The following PATJ variants were observed in gnomAD, a reference collection of about 807,000 sequenced individuals.
PATJ encodes the protein inaD-like protein.
A neutral mutation model predicts 224.9 loss-of-function variants in PATJ; 190 were observed. The observed-to-expected ratio is 0.84, with a 90% CI of 0.75 to 0.95. The LOEUF is 0.95. Ranked by LOEUF, PATJ falls within the 40% of genes least tolerant of loss-of-function variation. PATJ has a pLI of 0.00. For synonymous variants in PATJ, 769 were observed against 820.3 expected, an observed-to-expected ratio of 0.94 and a Z score of 1.07; for missense variants, 2,121 against 2,270.3, an observed-to-expected ratio of 0.93 and a Z score of 1.34.
At chr1:61,796,037 AT>A (rs1038315171) in intron 10 of PATJ, among the ~76,000 whole-genome samples, 22 of 152,206 alleles carry the variant, frequency 1.4e-4, no homozygotes, top group Non-Finnish European at 2.8e-4. Flanking sequence ...TCTTTCCCCC[AT>A]TTAGTAGAAA....
intron 29 of PATJ, among the ~76,000 whole-genome samples, chr1:62,025,767 G>A (rs966542396): frequency 3.9e-5 from 6 of 152,202 alleles, no homozygotes; most frequent in African/African-American, 1.4e-4. Flanking sequence ...AGGTTGCAGT[G>A]AGCTGAGGTA....
At chr1:61,947,015 C>T (rs973774515) in intron 27 of PATJ, among the ~76,000 whole-genome samples, 2 of 152,196 alleles carry the variant, frequency 1.3e-5, no homozygotes, top group African/African-American at 4.8e-5. Context: ...CAAAATTCAA[C>T]AGCCCTTCAT....
At chr1:61,902,041 G>A (rs1016126328) in intron 24 of PATJ, among the ~76,000 whole-genome samples, 4 of 152,034 alleles carry the variant, frequency 2.6e-5, no homozygotes, top group African/African-American at 9.7e-5. Flanking sequence ...TGGCCAATAT[G>A]GTGAAACCCC....
chr1:61,955,483 C>T (rs1571490569), intron 27 of PATJ, among the ~76,000 whole-genome samples: 1 of 152,074 alleles, frequency 6.6e-6, no homozygotes, highest in East Asian at 1.9e-4. Context: ...ACAAGCCTGG[C>T]TTGTAGGAGG....
In PATJ at chr1:62,117,194, A is replaced by G. The variant is rs779165051; in HGVS notation, c.4866A>G (p.Ala1622=). ...TCCGAGCTGGTTCCTGGACCTCCGC[A>G]AGGACGACATCACAGAACAGTCAGG... is the stretch of plus-strand genomic sequence containing the variant. ...GRLRAGSWTS[A]RTTSQNSQGS... is the part of the protein sequence containing the mutation. The change falls in exon 37 of 44, where the codon GCA becomes GCG. Residue 1622 remains alanine (A), a synonymous_variant. Transcript: ENST00000642238. The G allele has an allele frequency of 1.2e-6, 2 of 1,614,140 alleles. No homozygotes were observed. The highest frequency in any genetic ancestry group is 2.2e-5 in the South Asian group (2 of 91,084).
chr1:61,841,934 G>A (rs1357987534), intron 17 of PATJ, among the ~76,000 whole-genome samples: 1 of 152,094 alleles, frequency 6.6e-6, no homozygotes, highest in African/African-American at 2.4e-5. Context: ...GGAAAGTTCT[G>A]TATCCCTTAA....
intron 30 of PATJ, among the ~76,000 whole-genome samples, chr1:62,043,003 A>G (rs1020181225): frequency 2.6e-5 from 4 of 152,198 alleles, no homozygotes; most frequent in African/African-American, 9.6e-5. Context: ...CGCAGAGAAC[A>G]AAATTGTTTC....
intron 11 of PATJ, among the ~76,000 whole-genome samples, chr1:61,799,312 C>G (rs1396896661): frequency 6.6e-6 from 1 of 152,156 alleles, no homozygotes; most frequent in Non-Finnish European, 1.5e-5. Context: ...CCTGCCTCAG[C>G]CTCCCCAGTA....
chr1:62,096,752 A>C (rs1661442587), intron 33 of PATJ, among the ~76,000 whole-genome samples: 1 of 152,062 alleles, frequency 6.6e-6, no homozygotes. Flanking sequence ...AGTAGCTGGG[A>C]TTACAGGCAC....
intron 30 of PATJ, among the ~76,000 whole-genome samples, chr1:62,047,540 G>T (rs755546668): frequency 6.6e-6 from 1 of 152,196 alleles, no homozygotes; most frequent in South Asian, 2.1e-4. Flanking sequence ...GTGAGCCACC[G>T]CACCCAGCCC....
rs190831181 is a variant in PATJ at position 61,866,860 on chromosome 1, T to C, written c.2835+2227T>C. On this transcript the variant is annotated intron_variant, in intron 20 of 43. Transcript: ENST00000642238. ...CTGAGGGCTACTGGTTGCCCATTTT[T>C]ATAGTTATTTTTTGATTATATGCTA... 7.2e-4 allele frequency among the ~76,000 whole-genome samples: 110 copies of C among 152,330 alleles called. 1 individual carries two copies. Among genetic ancestry groups the C allele is most frequent in the African/African-American group, 2.5e-3 (105 of 41,582 alleles).
intron 27 of PATJ, among the ~76,000 whole-genome samples, chr1:61,981,146 G>GT (rs964999423): frequency 7.9e-5 from 12 of 152,018 alleles, no homozygotes; most frequent in African/African-American, 2.7e-4. Flanking sequence ...GATTAGTCTT[G>GT]TGAAGGCTGC....
intron 22 of PATJ, among the ~76,000 whole-genome samples, chr1:61,887,087 TTTATA>T (rs1668995633): frequency 6.6e-6 from 1 of 151,842 alleles, no homozygotes; most frequent in South Asian, 2.1e-4. Context: ...ACATACAACA[TTTATA>T]TTATATATTA....
chr1:61,989,559 C>G (rs1213517784), intron 27 of PATJ, among the ~76,000 whole-genome samples: 2 of 152,076 alleles, frequency 1.3e-5, no homozygotes, highest in African/African-American at 4.8e-5. Flanking sequence ...AGAGTAGAAA[C>G]CATGATTGTT....
intron 31 of PATJ, among the ~76,000 whole-genome samples, chr1:62,075,917 C>CA (rs796303716): frequency 0.061 from 4,850 of 79,604 alleles, 180 homozygotes; most frequent in African/African-American, 0.15. Context: ...GACTCCGTCT[C>CA]AAAAAAAAAA....
intron 18 of PATJ, among the ~76,000 whole-genome samples, chr1:61,859,171 C>T (rs1664163526): frequency 6.6e-6 from 1 of 152,162 alleles, no homozygotes; most frequent in Non-Finnish European, 1.5e-5. Flanking sequence ...TACCTTCAAG[C>T]AGTTTTAGGA....
intron 27 of PATJ, among the ~76,000 whole-genome samples, chr1:61,979,563 T>G (rs1644336567): frequency 6.6e-6 from 1 of 150,402 alleles, no homozygotes; most frequent in Non-Finnish European, 1.5e-5. Context: ...TGAGGCAGGA[T>G]AGTGGCTTGA....
chr1:62,027,939 G>A (rs1454474497), intron 29 of PATJ, among the ~76,000 whole-genome samples: 1 of 151,900 alleles, frequency 6.6e-6, no homozygotes, highest in African/African-American at 2.4e-5. Flanking sequence ...TAAGTTGCCT[G>A]TTCACTCTGT....
chr1:62,108,644 TATC>T (rs772240941), intron 34 of PATJ, 124 bp downstream of exon 34: 5 of 511,368 alleles, frequency 9.8e-6, no homozygotes, highest in African/African-American at 1.9e-5. Flanking sequence ...ACAAAATACT[TATC>T]ATATTCTTTT....
Sources: allele counts gnomAD v4.1 joint callset (sites outside exome capture counted in the v4.1 genomes callset), GRCh38; gene constraint gnomAD v4.1.1; transcripts MANE v1.5; gene names NCBI Gene and HGNC (gene_info 2026-07-23, HGNC 2026-07-21).